MTX2: variants seen among roughly 807,000 people sequenced by gnomAD.
MTX2 encodes metaxin-2.
Under a neutral mutation model 42.3 loss-of-function variants are expected in MTX2, and 35 were observed. The observed-to-expected ratio is 0.83, with a 90% confidence interval of 0.63 to 1.10. The LOEUF (loss-of-function observed/expected upper bound fraction) is 1.10. MTX2 is among the 50% of genes least tolerant of loss of function. The pLI, the probability that MTX2 is intolerant of heterozygous loss-of-function variation, is 0.00. For missense variants in MTX2, 307 were observed against 304.1 expected (o/e 1.01, Z -0.07); for synonymous variants, 119 against 100.9 (o/e 1.18, Z -1.08).
At chr2:176,330,832 C>T (rs1483403603) in intron 9 of MTX2, among the ~76,000 whole-genome samples, 172 bp downstream of exon 9, 1 of 150,996 alleles carries the variant, frequency 6.6e-6, no homozygotes, top group African/African-American at 2.4e-5. Flanking sequence ...CTCTAGGAGA[C>T]TAAGATTTCT....
intron 3 of MTX2, among the ~76,000 whole-genome samples, chr2:176,298,973 G>C (rs1174159216): frequency 6.6e-6 from 1 of 151,996 alleles, no homozygotes; most frequent in Non-Finnish European, 1.5e-5. Context: ...AAGCTATCGG[G>C]ATCCCCTAGG....
At chr2:176,326,964 T>A in intron 5 of MTX2, 63 bp downstream of exon 5, 1 of 952,170 alleles carries the variant, frequency 1.1e-6, no homozygotes, top group Non-Finnish European at 1.6e-6. Context: ...CTTTAATGTG[T>A]CTTAACATTT....
At chr2:176,278,773 A>G (rs1693010056) in intron 1 of MTX2, among the ~76,000 whole-genome samples, 1 of 152,070 alleles carries the variant, frequency 6.6e-6, no homozygotes, top group African/African-American at 2.4e-5. Flanking sequence ...TTTTTTTTCA[A>G]AGACAGAAGT....
intron 1 of MTX2, among the ~76,000 whole-genome samples, chr2:176,287,477 T>C (rs1384571235): frequency 6.6e-6 from 1 of 151,954 alleles, no homozygotes; most frequent in Non-Finnish European, 1.5e-5. Flanking sequence ...ATTTTTGGGT[T>C]AGGGTTGCTT....
At chr2:176,329,575 C>A in intron 8 of MTX2, 149 bp downstream of exon 8, 1 of 872,552 alleles carries the variant, frequency 1.1e-6, no homozygotes. Context: ...AATTTTATTT[C>A]TAAAAAATCA....
At chr2:176,317,777 A>T (rs574173702) in intron 3 of MTX2, among the ~76,000 whole-genome samples, 2 of 152,232 alleles carry the variant, frequency 1.3e-5, no homozygotes, top group African/African-American at 4.8e-5. Flanking sequence ...CACCTCACCC[A>T]GTGCCCTCTG....
chr2:176,319,340 C>T (rs1014722081), intron 3 of MTX2, among the ~76,000 whole-genome samples: 37 of 152,136 alleles, frequency 2.4e-4, no homozygotes, highest in African/African-American at 8.7e-4. Flanking sequence ...GTGTTTTCTT[C>T]CATCTTTCAA....
chr2:176,337,464 A>G (rs1451250663), intron 9 of MTX2, 29 bp from the exon 10 acceptor site: 1 of 1,529,546 alleles, frequency 6.5e-7, no homozygotes, highest in Non-Finnish European at 8.8e-7. Flanking sequence ...AATGCTACTT[A>G]CTCACATTAC....
intron 1 of MTX2, among the ~76,000 whole-genome samples, chr2:176,289,968 C>T (rs775257731): frequency 1.5e-4 from 23 of 151,792 alleles, no homozygotes; most frequent in Non-Finnish European, 1.6e-4. Flanking sequence ...TAGGAATTTA[C>T]CTACTAGAAA....
At chr2:176,276,542 T>G (rs1315298785) in intron 1 of MTX2, among the ~76,000 whole-genome samples, 1 of 152,056 alleles carries the variant, frequency 6.6e-6, no homozygotes, top group Non-Finnish European at 1.5e-5. Context: ...TGGCAGGCCT[T>G]TCTAGTCCTC....
chr2:176,275,992 C>T (rs1692938958), intron 1 of MTX2, among the ~76,000 whole-genome samples: 1 of 152,238 alleles, frequency 6.6e-6, no homozygotes, highest in African/African-American at 2.4e-5. Context: ...GGTTCTTATT[C>T]AGCTACTTCC....
chr2:176,306,612 TGA>T (rs1366811625), intron 3 of MTX2, among the ~76,000 whole-genome samples: 1 of 152,242 alleles, frequency 6.6e-6, no homozygotes, highest in Non-Finnish European at 1.5e-5. Context: ...CTAACTGGCA[TGA>T]GATGATATCT....
chr2:176,312,604 C>T (rs1010471339), intron 3 of MTX2, among the ~76,000 whole-genome samples: 29 of 152,184 alleles, frequency 1.9e-4, no homozygotes, highest in Admixed American at 5.9e-4. Flanking sequence ...TGTCTCACGC[C>T]TGTAATCCCA....
rs759350897 is a variant in MTX2, at chr2:176,330,559, C to T, written c.544-25C>T. ...TTGTTTTGCTAATTGAAATACTTTT[C>T]CTTGGGGTTCATTGCCTGTGTTAGG... is the stretch of plus-strand genomic sequence containing the variant. On this transcript the variant is annotated intron_variant, in intron 8 of 9. Transcript: ENST00000249442. The T allele has an allele frequency of 7.3e-6, 11 of 1,497,986 alleles. No individual in the cohort carries two copies. In the East Asian group the frequency reaches 2.5e-4, roughly 35 times the overall value. The allele number at this position is 1,497,986 out of a possible 1,614,324, so 92.8% of individuals were successfully genotyped here.
intron 9 of MTX2, among the ~76,000 whole-genome samples, chr2:176,337,275 C>T (rs1685014287): frequency 6.6e-6 from 1 of 152,102 alleles, no homozygotes; most frequent in Admixed American, 6.6e-5. Flanking sequence ...TTCCTGAGTT[C>T]AAACAGTCCG....
chr2:176,321,161 T>C (rs1684574918), intron 3 of MTX2, among the ~76,000 whole-genome samples: 1 of 152,178 alleles, frequency 6.6e-6, no homozygotes, highest in Non-Finnish European at 1.5e-5. Flanking sequence ...AGATCCAGGC[T>C]TTTTGAAAGA....
intron 3 of MTX2, among the ~76,000 whole-genome samples, chr2:176,313,256 T>G (rs1684358267): frequency 6.6e-6 from 1 of 152,088 alleles, no homozygotes; most frequent in South Asian, 2.1e-4. Context: ...TCTGCCTGAT[T>G]GTCTAATTTA....
intron 3 of MTX2, among the ~76,000 whole-genome samples, chr2:176,306,135 A>G (rs997382282): frequency 4.6e-5 from 7 of 151,968 alleles, no homozygotes; most frequent in East Asian, 1.9e-4. Context: ...TCATTGTTCA[A>G]TTCCCATCTA....
chr2:176,269,777 C>A, intron 1 of MTX2, 108 bp downstream of exon 1: 1 of 1,328,514 alleles, frequency 7.5e-7, no homozygotes, highest in South Asian at 1.4e-5. Flanking sequence ...TACGCTGAAC[C>A]CGGCCCGGAT....
Sources: gnomAD v4.1 joint callset for allele counts (sites outside exome capture counted in the v4.1 genomes callset) on GRCh38, gnomAD v4.1.1 for gene constraint, MANE v1.5 for transcripts, NCBI Gene and HGNC (gene_info 2026-07-23, HGNC 2026-07-21) for gene names.